The following CNTNAP2 variants were observed in gnomAD, a reference collection of about 807,000 sequenced individuals.
CNTNAP2 encodes the protein contactin associated protein 2.
Under a neutral mutation model 155.2 loss-of-function variants are expected in CNTNAP2, and 98 were observed. The observed-to-expected ratio is 0.63, with a 90% CI of 0.54 to 0.75. The LOEUF (loss-of-function observed/expected upper bound fraction) is 0.75. Among genes scored for constraint, CNTNAP2 ranks in the 30% least tolerant of loss-of-function variants. The probability of loss-of-function intolerance (pLI) is 0.00; values close to 1 mark genes in which losing one functional copy is unlikely to be tolerated. For synonymous variants in CNTNAP2, 651 were observed against 631.2 expected (o/e 1.03, Z -0.47); for missense variants, 1,727 against 1,688.1 (o/e 1.02, Z -0.40).
intron 1 of CNTNAP2, among the ~76,000 whole-genome samples, chr7:146,299,356 A>G (rs1226038934): frequency 2.0e-5 from 3 of 152,152 alleles, no homozygotes; most frequent in African/African-American, 4.8e-5. Context: ...GGTAGTTATT[A>G]TTATCAAAAT....
At chr7:146,906,237 C>T (rs1796122662) in intron 3 of CNTNAP2, among the ~76,000 whole-genome samples, 1 of 152,222 alleles carries the variant, frequency 6.6e-6, no homozygotes, top group African/African-American at 2.4e-5. Flanking sequence ...GGGCGCCCGC[C>T]ATTGCCCAGG....
intron 10 of CNTNAP2, among the ~76,000 whole-genome samples, chr7:147,418,171 C>G (rs1584937457): frequency 1.3e-5 from 2 of 152,138 alleles, no homozygotes; most frequent in Non-Finnish European, 2.9e-5. Flanking sequence ...TTCTTAAACC[C>G]ATCCTGAAAA....
chr7:147,685,736 A>G (rs905610279), intron 13 of CNTNAP2, among the ~76,000 whole-genome samples: 2 of 152,056 alleles, frequency 1.3e-5, no homozygotes, highest in Admixed American at 6.6e-5. Flanking sequence ...TAATACTGCT[A>G]TGGAAAAAAT....
At chr7:146,400,172 A>G (rs949807385) in intron 1 of CNTNAP2, among the ~76,000 whole-genome samples, 3 of 151,950 alleles carry the variant, frequency 2.0e-5, no homozygotes, top group African/African-American at 4.8e-5. Flanking sequence ...GAACTGTTCC[A>G]TCATGCTATG....
intron 8 of CNTNAP2, among the ~76,000 whole-genome samples, chr7:147,283,618 T>A (rs1381790112): frequency 6.6e-6 from 1 of 151,948 alleles, no homozygotes; most frequent in Non-Finnish European, 1.5e-5. Context: ...ACATTATATG[T>A]CATCTAACCT....
At chr7:147,873,907 G>T (rs1213305313) in intron 13 of CNTNAP2, among the ~76,000 whole-genome samples, 2 of 152,140 alleles carry the variant, frequency 1.3e-5, no homozygotes, top group African/African-American at 2.4e-5. Flanking sequence ...AAACAAAGGG[G>T]CTACAGGCTC....
chr7:147,170,167 T>G (rs1802197921), intron 8 of CNTNAP2, among the ~76,000 whole-genome samples: 1 of 152,042 alleles, frequency 6.6e-6, no homozygotes, highest in South Asian at 2.1e-4. Context: ...GTGCAGGGGT[T>G]TTTGTTTGCT....
At chr7:147,258,084 C>T (rs1206118930) in intron 8 of CNTNAP2, among the ~76,000 whole-genome samples, 2 of 152,060 alleles carry the variant, frequency 1.3e-5, no homozygotes, top group African/African-American at 4.8e-5. Context: ...GAGACAGAGA[C>T]GTTCAAAGTA....
chr7:147,753,506 T>C lies in CNTNAP2; in HGVS notation c.2098+114200T>C, dbSNP rs79050812. 8.3e-3 allele frequency among the ~76,000 whole-genome samples: 1,266 copies of C among 152,328 alleles called. 13 individuals are homozygous for C. The highest frequency in any genetic ancestry group is 0.029 in the African/African-American group (1,215 of 41,572). On this transcript the variant is annotated intron_variant, in intron 13 of 23. Transcript: ENST00000361727. ...TGATGGATGCAATTAAAATAAATTA[T>C]GTAAATGTACTATAAGAATAATTAG... is the stretch of plus-strand genomic sequence containing the variant.
chr7:146,171,130 A>G (rs1798384102), intron 1 of CNTNAP2, among the ~76,000 whole-genome samples: 1 of 152,134 alleles, frequency 6.6e-6, no homozygotes, highest in Non-Finnish European at 1.5e-5. Context: ...TTTTTTCATT[A>G]TATTCTGCTA....
intron 10 of CNTNAP2, among the ~76,000 whole-genome samples, chr7:147,432,655 C>T (rs985043989): frequency 1.3e-5 from 2 of 152,164 alleles, no homozygotes; most frequent in Admixed American, 6.5e-5. Context: ...TCTCTCCTCT[C>T]ATCCTCCTAA....
intron 1 of CNTNAP2, among the ~76,000 whole-genome samples, chr7:146,758,130 G>T (rs899036599): frequency 3.3e-5 from 5 of 152,076 alleles, no homozygotes; most frequent in Admixed American, 3.3e-4. Flanking sequence ...TCTCTGCTTA[G>T]CTTTCAAGGA....
intron 23 of CNTNAP2, among the ~76,000 whole-genome samples, chr7:148,412,029 G>T (rs992668728): frequency 2.0e-5 from 3 of 151,958 alleles, no homozygotes; most frequent in Non-Finnish European, 1.5e-5. Flanking sequence ...TGCAACCTCC[G>T]ACTCCCTGGC....
intron 8 of CNTNAP2, among the ~76,000 whole-genome samples, chr7:147,239,793 TATC>T (rs1200980586): frequency 6.6e-6 from 1 of 152,230 alleles, no homozygotes; most frequent in Non-Finnish European, 1.5e-5. Flanking sequence ...ATTTTATAGA[TATC>T]ATCATCCTCT....
chr7:147,217,189 C>T lies in CNTNAP2; in HGVS notation c.1349-82952C>T, dbSNP rs190556042. On this transcript the variant is annotated intron_variant, in intron 8 of 23. Coordinates refer to ENST00000361727, the MANE Select transcript of CNTNAP2 (RefSeq NM_014141.6). ...TTAGATAGGACTCTCAGTACAATGG[C>T]GAAAATAAGTGGTAAGAGGAGACAT... 2.8e-3 allele frequency among the ~76,000 whole-genome samples: 418 copies of T among 151,828 alleles called. 1 individual carries two copies. The highest frequency in any genetic ancestry group is 9.1e-3 in the African/African-American group (378 of 41,482).
intron 18 of CNTNAP2, among the ~76,000 whole-genome samples, 164 bp downstream of exon 18, chr7:148,172,642 C>T (rs1794843396): frequency 6.6e-6 from 1 of 152,142 alleles, no homozygotes; most frequent in African/African-American, 2.4e-5. Context: ...AAAATCATTT[C>T]CTAATCATTT....
Position 147,293,842 on chromosome 7 carries a change from A to G in CNTNAP2, c.1349-6299A>G, listed in dbSNP as rs1351661148. 3.3e-5 allele frequency among the ~76,000 whole-genome samples: 5 copies of G among 152,314 alleles called. No individual in the cohort carries two copies. The East Asian group carries it at 9.6e-4, about 29-fold the overall frequency. Reference sequence around the variant, plus strand: ...ATATTTTACATTTGCATACAAAACAAGTGTTTCTAACAATTATAAGTTAGG... The same window carrying G: ...ATATTTTACATTTGCATACAAAACAGGTGTTTCTAACAATTATAAGTTAGG... On this transcript the variant is annotated intron_variant, in intron 8 of 23. Coordinates refer to ENST00000361727, the MANE Select transcript of CNTNAP2 (RefSeq NM_014141.6).
intron 8 of CNTNAP2, among the ~76,000 whole-genome samples, chr7:147,246,425 C>T (rs1015934635): frequency 6.6e-6 from 1 of 152,090 alleles, no homozygotes; most frequent in Non-Finnish European, 1.5e-5. Context: ...GTATTTCTCA[C>T]AGTTCTAGAG....
intron 22 of CNTNAP2, among the ~76,000 whole-genome samples, chr7:148,408,731 G>T (rs1486569415): frequency 6.6e-6 from 1 of 152,152 alleles, no homozygotes; most frequent in Non-Finnish European, 1.5e-5. Context: ...ACTTGCAGAT[G>T]GACTTCGGGA....
Sources: allele counts gnomAD v4.1 joint callset (sites outside exome capture counted in the v4.1 genomes callset), GRCh38; gene constraint gnomAD v4.1.1; transcripts MANE v1.5; gene names NCBI Gene and HGNC (gene_info 2026-07-23, HGNC 2026-07-21).